GON4L: variants seen among roughly 807,000 people sequenced by gnomAD.
GON4L encodes GON-4-like protein.
GON4L carries 87 observed loss-of-function variants against 211.8 expected under a neutral mutation model. That is an observed-to-expected ratio of 0.41 (90% CI 0.35 to 0.49). The LOEUF (loss-of-function observed/expected upper bound fraction) is 0.49, where lower values mean the gene tolerates loss of function less well. GON4L is among the 20% of genes least tolerant of loss of function. The pLI is 0.15. For synonymous variants in GON4L, 875 were observed against 962.6 expected, an observed-to-expected ratio of 0.91 and a Z score of 1.68; for missense variants, 2,155 against 2,659.5, an observed-to-expected ratio of 0.81 and a Z score of 4.17.
intron 2 of GON4L, among the ~76,000 whole-genome samples, chr1:155,832,046 G>A (rs931508760): frequency 6.6e-6 from 1 of 151,858 alleles, no homozygotes; most frequent in Non-Finnish European, 1.5e-5. Flanking sequence ...AGGCCGAGGT[G>A]GGTGGATCAC....
In GON4L at chr1:155,757,224, C is replaced by G. The variant is rs1557824328; in HGVS notation, c.5353G>C (p.Gly1785Arg). 6.2e-7 allele frequency: 1 copy of G among 1,613,922 alleles called. No homozygotes were observed. Among genetic ancestry groups the G allele is most frequent in the Non-Finnish European group, 8.5e-7 (1 of 1,179,894 alleles). ...GTCCAATTGATCTCTTCAAAGTCAC[C>G]CATCCGGCTAGCTGCTGGGCGCAAG... ...DHLRPAASRM[G>R]DFEEINWTEE... is the part of the protein sequence containing the mutation. The change falls in exon 26 of 32, where the codon GGT becomes CGT. Residue 1785 changes from glycine to arginine, a missense_variant. This residue lies in a region of GON4L where 455 missense variants were observed against 504.6 expected (regional missense o/e 0.90). Coordinates refer to ENST00000368331, the MANE Select transcript of GON4L (RefSeq NM_001282860.2).
intron 12 of GON4L, among the ~76,000 whole-genome samples, chr1:155,793,217 A>T (rs1665771562): frequency 6.6e-6 from 1 of 152,192 alleles, no homozygotes; most frequent in South Asian, 2.1e-4. Context: ...CTTTCCTTTC[A>T]ATGCTTCCAC....
chr1:155,852,181 AAAAG>A (rs1239443868), intron 2 of GON4L, among the ~76,000 whole-genome samples: 1 of 151,548 alleles, frequency 6.6e-6, no homozygotes, highest in African/African-American at 2.4e-5. Context: ...AAAAAAAAAA[AAAAG>A]AAGTCATCTC....
intron 14 of GON4L, among the ~76,000 whole-genome samples, chr1:155,783,137 G>A (rs984583226): frequency 6.6e-6 from 1 of 152,146 alleles, no homozygotes; most frequent in African/African-American, 2.4e-5. Context: ...CAATCTTGAG[G>A]TTTTTGATGT....
At chr1:155,786,287 A>G (rs1185133442) in intron 12 of GON4L, among the ~76,000 whole-genome samples, 1 of 152,154 alleles carries the variant, frequency 6.6e-6, no homozygotes, top group Non-Finnish European at 1.5e-5. Context: ...TTATAATTAG[A>G]TGACCTATCC....
rs143545028 is a variant in GON4L at position 155,790,955 on chromosome 1, A to G, written c.1747+4095T>C. On this transcript the variant is annotated intron_variant, in intron 12 of 31. Coordinates refer to ENST00000368331, the MANE Select transcript of GON4L (RefSeq NM_001282860.2). ...GAGACTCCTTCTCAAAAAAAAACCA[A>G]CAAACTATAGAAAGTAGGTGGTGAG... Among the ~76,000 whole-genome samples the G allele has an allele frequency of 2.0e-5, 3 of 148,320 alleles. No individual in the cohort carries two copies. In the East Asian group the frequency reaches 6.1e-4, roughly 30 times the overall value.
In GON4L at chr1:155,819,438, C is replaced by T. The variant is rs191744203; in HGVS notation, c.1014+1168G>A. On this transcript the variant is annotated intron_variant, in intron 6 of 31. Transcript: ENST00000368331. ...TCCTTTTCTTGCTTTTTTTTCTAGA[C>T]AAGGTCTCGGTCTCATTACGTTGCC... Among the ~76,000 whole-genome samples, 5 of 152,040 alleles carry T rather than the reference C, an allele frequency of 3.3e-5. No individual in the cohort carries two copies. In the East Asian group the frequency reaches 7.7e-4, roughly 23 times the overall value.
At chr1:155,756,153 C>T (rs984790341) in intron 27 of GON4L, among the ~76,000 whole-genome samples, 1 of 152,070 alleles carries the variant, frequency 6.6e-6, no homozygotes, top group African/African-American at 2.4e-5. Flanking sequence ...AGCAATCTCT[C>T]CATAGGATTA....
intron 2 of GON4L, among the ~76,000 whole-genome samples, chr1:155,848,363 G>C (rs1382787941): frequency 6.6e-6 from 1 of 152,142 alleles, no homozygotes; most frequent in Non-Finnish European, 1.5e-5. Flanking sequence ...GTCAGTCTCT[G>C]AGCAGTGTTA....
chr1:155,751,378 T>C lies in GON4L; in HGVS notation c.6576+389A>G, dbSNP rs935240381. ...CTTGCCAACATGGTGAAACCCCGTG[T>C]CTACTAAAAATAAATAAATTAGCCT... On this transcript the variant is annotated intron_variant, in intron 31 of 31. Coordinates refer to ENST00000368331, the MANE Select transcript of GON4L (RefSeq NM_001282860.2). Among the ~76,000 whole-genome samples the C allele has an allele frequency of 2.7e-4, 41 of 151,946 alleles. 1 individual carries two copies. Among genetic ancestry groups the C allele is most frequent in the South Asian group, 2.1e-4 (1 of 4,816 alleles).
rs1176708022 is a variant in GON4L, at chr1:155,751,943, C to A, written c.6473+17G>T. On this transcript the variant is annotated intron_variant, in intron 30 of 31. Coordinates refer to ENST00000368331, the MANE Select transcript of GON4L (RefSeq NM_001282860.2). ...TCTATGCTCTTTTCCAAACACACGTCATCCACCCTTACCTACCTTGTCCAC... is the reference window on the plus strand; with the variant it reads ...TCTATGCTCTTTTCCAAACACACGTAATCCACCCTTACCTACCTTGTCCAC... 6.2e-7 allele frequency: 1 copy of A among 1,612,554 alleles called. No homozygotes were observed. Among genetic ancestry groups the A allele is most frequent in the Non-Finnish European group, 8.5e-7 (1 of 1,178,704 alleles).
chr1:155,794,528 G>C (rs1256709756), intron 12 of GON4L, among the ~76,000 whole-genome samples: 1 of 152,148 alleles, frequency 6.6e-6, no homozygotes, highest in African/African-American at 2.4e-5. Context: ...GTGGTTTGCA[G>C]ATGCTCTTCT....
At chr1:155,809,976 TTATATATATATATAATTATA>T (rs1667568251) in intron 10 of GON4L, among the ~76,000 whole-genome samples, 4 of 77,922 alleles carry the variant, frequency 5.1e-5, no homozygotes, top group Non-Finnish European at 9.4e-5. Flanking sequence ...TAATTATAAA[TTATATATATATATAATTATA>T]TATATATATA....
At chr1:155,781,119 A>G (rs1226498956) in intron 14 of GON4L, among the ~76,000 whole-genome samples, 2 of 151,580 alleles carry the variant, frequency 1.3e-5, no homozygotes, top group Non-Finnish European at 2.9e-5. Context: ...ACGTAGTTGT[A>G]TTTTTTATTA....
intron 19 of GON4L, among the ~76,000 whole-genome samples, chr1:155,767,755 A>G (rs560966301): frequency 4.6e-5 from 7 of 152,314 alleles, no homozygotes; most frequent in African/African-American, 9.6e-5. Context: ...CTCTATTTAA[A>G]TATTTCACAA....
chr1:155,846,987 T>C (rs1039920127), intron 2 of GON4L, among the ~76,000 whole-genome samples: 1 of 151,740 alleles, frequency 6.6e-6, no homozygotes, highest in African/African-American at 2.4e-5. Flanking sequence ...GAAACAAGAG[T>C]GAAACTCTGT....
chr1:155,820,382 T>G (rs1668625246), intron 6 of GON4L, among the ~76,000 whole-genome samples: 1 of 152,238 alleles, frequency 6.6e-6, no homozygotes, highest in African/African-American at 2.4e-5. Flanking sequence ...TTCCAAATGG[T>G]TATCTATCTA....
chr1:155,748,475 T>C, downstream of GON4L: 2 of 1,611,826 alleles, frequency 1.2e-6, no homozygotes, highest in Non-Finnish European at 1.7e-6. Context: ...TCGCCTGTGT[T>C]CCTCTCCAGT....
chr1:155,760,555 C>T lies in GON4L; in HGVS notation c.4998G>A (p.Arg1666=), dbSNP rs1222375612. ...GGCTTTTGTAGAGATCTACAGCCGT[C>T]CGTCTCTGGGTACTTGACTCAAATT... is the stretch of plus-strand genomic sequence containing the variant. ...IYEFESSTQR[R]TAVDLYKSLQ... is the part of the protein sequence containing the mutation. Residue 1666 remains arginine (R), a synonymous_variant, in exon 24 of 32, where the codon CGG becomes CGA. Coordinates refer to ENST00000368331, the MANE Select transcript of GON4L (RefSeq NM_001282860.2). 3.1e-6 allele frequency: 5 copies of T among 1,612,624 alleles called. No homozygotes were observed. The Admixed American group carries it at 6.7e-5, about 22-fold the overall frequency.
Sources: allele counts gnomAD v4.1 joint callset (sites outside exome capture counted in the v4.1 genomes callset), GRCh38; gene constraint gnomAD v4.1.1; regional missense constraint gnomAD v4.1.1; transcripts MANE v1.5; gene names NCBI Gene and HGNC (gene_info 2026-07-23, HGNC 2026-07-21).